The following AIM2 variants were observed in gnomAD, a reference collection of about 807,000 sequenced individuals.
AIM2 encodes interferon-inducible protein AIM2.
A neutral mutation model predicts 27.7 loss-of-function variants in AIM2; 30 were observed. That is an observed-to-expected ratio of 1.08 (90% confidence interval 0.81 to 1.47). The LOEUF (loss-of-function observed/expected upper bound fraction) is 1.47, where lower values mean the gene tolerates loss of function less well. Ranked by LOEUF, AIM2 falls within the 40% of genes most tolerant of loss-of-function variation. The pLI, the probability that AIM2 is intolerant of heterozygous loss-of-function variation, is 0.00. For missense variants in AIM2, 358 were observed against 411.3 expected, an observed-to-expected ratio of 0.87 and a Z score of 1.12; for synonymous variants, 141 against 145.3, an observed-to-expected ratio of 0.97 and a Z score of 0.21.
chr1:159,094,908 G>A (rs1657137793), intron 1 of AIM2, among the ~76,000 whole-genome samples: 1 of 151,906 alleles, frequency 6.6e-6, no homozygotes, highest in African/African-American at 2.4e-5. Context: ...GGCTGCTTAT[G>A]CGAAAAAGGT....
chr1:159,094,065 A>G (rs1203315469), intron 1 of AIM2, among the ~76,000 whole-genome samples: 1 of 152,052 alleles, frequency 6.6e-6, no homozygotes, highest in Non-Finnish European at 1.5e-5. Flanking sequence ...AATTTGTAAA[A>G]ACTTAATATA....
At chr1:159,056,209 T>G in the AIM2 span, among the ~76,000 whole-genome samples, 2 of 152,162 alleles carry the variant, frequency 1.3e-5, no homozygotes, top group Non-Finnish European at 2.9e-5. Context: ...ACTCCCTGCT[T>G]GTGGGCTTCC....
At position 159,063,698 on chromosome 1, in the gene AIM2, G is replaced by A. The variant is rs747096315; in HGVS notation, c.817-24C>T. 3 of 1,604,202 alleles carry A rather than the reference G, an allele frequency of 1.9e-6. No individual in the cohort carries two copies. The African/African-American group carries it at 4.0e-5, about 22-fold the overall frequency. Reference sequence around the variant, plus strand: ...ACCTATAAAAGAAAATCAACACCCAGCCTCTGATAATCGGATTAATGAATG... The same window carrying A: ...ACCTATAAAAGAAAATCAACACCCAACCTCTGATAATCGGATTAATGAATG... On this transcript the variant is annotated intron_variant, in intron 4 of 5. Transcript: ENST00000368130.
At chr1:159,126,386 G>A (rs1200350026) in intron 1 of AIM2, among the ~76,000 whole-genome samples, 2 of 152,070 alleles carry the variant, frequency 1.3e-5, no homozygotes, top group Non-Finnish European at 2.9e-5. Flanking sequence ...GGTGGTTCAC[G>A]CCTGTAATCC....
downstream of AIM2, among the ~76,000 whole-genome samples, chr1:159,058,966 A>G (rs1206581903): frequency 2.0e-5 from 3 of 152,106 alleles, no homozygotes; most frequent in Non-Finnish European, 4.4e-5. Context: ...AAATGGCGCA[A>G]ACTTCTGTGG....
chr1:159,134,936 T>C (rs1647985443), intron 1 of AIM2, among the ~76,000 whole-genome samples: 2 of 152,232 alleles, frequency 1.3e-5, no homozygotes, highest in African/African-American at 4.8e-5. Context: ...TCCTTCATTC[T>C]TTGCCTAGTT....
intron 1 of AIM2, among the ~76,000 whole-genome samples, chr1:159,138,367 T>G (rs1350486065): frequency 2.0e-5 from 3 of 152,160 alleles, no homozygotes; most frequent in African/African-American, 4.8e-5. Flanking sequence ...CTCATTGCCC[T>G]CACTTCACTC....
chr1:159,135,713 T>C (rs1647999893), intron 1 of AIM2, among the ~76,000 whole-genome samples: 1 of 152,234 alleles, frequency 6.6e-6, no homozygotes, highest in African/African-American at 2.4e-5. Flanking sequence ...TATTTAAAAG[T>C]GGTCTATAGA....
intron 1 of AIM2, among the ~76,000 whole-genome samples, chr1:159,092,436 C>G (rs577263757): frequency 1.3e-5 from 2 of 152,196 alleles, no homozygotes; most frequent in African/African-American, 4.8e-5. Context: ...AGACTGGCCC[C>G]TCTTCTGGAC....
chr1:159,061,358 T>G (rs1052829008), downstream of AIM2, among the ~76,000 whole-genome samples: 1 of 152,162 alleles, frequency 6.6e-6, no homozygotes, highest in East Asian at 1.9e-4. Flanking sequence ...TCTGCAATTA[T>G]TGAATTTTGA....
At chr1:159,106,992 C>T (rs1305136164) in intron 1 of AIM2, among the ~76,000 whole-genome samples, 1 of 152,194 alleles carries the variant, frequency 6.6e-6, no homozygotes, top group African/African-American at 2.4e-5. Context: ...TCCTCCTGGA[C>T]AAAACATATA....
chr1:159,134,445 G>A (rs776889474), intron 1 of AIM2, among the ~76,000 whole-genome samples: 1 of 152,236 alleles, frequency 6.6e-6, no homozygotes, highest in Non-Finnish European at 1.5e-5. Flanking sequence ...AAAGCTTACA[G>A]GGAATACAAG....
chr1:159,059,322 GTT>G (rs1655757319), downstream of AIM2, among the ~76,000 whole-genome samples: 6 of 152,028 alleles, frequency 3.9e-5, no homozygotes, highest in African/African-American at 1.2e-4. Flanking sequence ...GTGTATATGT[GTT>G]TAAGATTATT....
At chr1:159,061,347 T>C (rs1245403084), downstream of AIM2, among the ~76,000 whole-genome samples, 1 of 152,180 alleles carries the variant, frequency 6.6e-6, no homozygotes, top group African/African-American at 2.4e-5. Context: ...TAATTGGTTG[T>C]TCTGCAATTA....
chr1:159,075,671 C>T (rs76430338), intron 1 of AIM2, among the ~76,000 whole-genome samples: 15 of 149,758 alleles, frequency 1.0e-4, no homozygotes. Context: ...ACATGGAGAA[C>T]CATGTATCAA....
chr1:159,126,763 A>C (rs1570979979), intron 1 of AIM2, among the ~76,000 whole-genome samples: 1 of 152,234 alleles, frequency 6.6e-6, no homozygotes, highest in African/African-American at 2.4e-5. Flanking sequence ...CAAGTGTATA[A>C]TCTGAAATTG....
intron 1 of AIM2, among the ~76,000 whole-genome samples, chr1:159,116,462 A>G (rs780646194): frequency 2.4e-4 from 36 of 152,264 alleles, no homozygotes; most frequent in Admixed American, 4.6e-4. Flanking sequence ...GACTGGATTA[A>G]GAAAATGTGG....
At chr1:159,090,839 G>T (rs887225798) in intron 1 of AIM2, among the ~76,000 whole-genome samples, 5 of 152,168 alleles carry the variant, frequency 3.3e-5, no homozygotes, top group African/African-American at 1.2e-4. Flanking sequence ...AGTTAAAATT[G>T]TCTTTTACAT....
upstream of AIM2, among the ~76,000 whole-genome samples, chr1:159,077,662 T>C (rs1253790961): frequency 2.0e-5 from 3 of 152,182 alleles, no homozygotes; most frequent in Non-Finnish European, 1.5e-5. Context: ...TGTAGCCACC[T>C]GCAAGTAATC....
Sources: allele counts gnomAD v4.1 joint callset (sites outside exome capture counted in the v4.1 genomes callset), GRCh38; gene constraint gnomAD v4.1.1; transcripts MANE v1.5; gene names NCBI Gene and HGNC (gene_info 2026-07-23, HGNC 2026-07-21).